TCF12: variants seen among roughly 807,000 people sequenced by gnomAD.
TCF12 encodes the protein transcription factor 12.
TCF12 carries 45 observed loss-of-function variants against 86.0 expected under a neutral mutation model. The observed-to-expected ratio is 0.52, with a 90% confidence interval of 0.41 to 0.67. The LOEUF is 0.67. Ranked by LOEUF, TCF12 falls within the 30% of genes least tolerant of loss-of-function variation. The probability of loss-of-function intolerance (pLI) is 0.00; values close to 1 mark genes in which losing one functional copy is unlikely to be tolerated. For synonymous variants in TCF12, 330 were observed against 299.6 expected, an observed-to-expected ratio of 1.10 and a Z score of -1.05; for missense variants, 881 against 859.9, an observed-to-expected ratio of 1.02 and a Z score of -0.31.
intron 4 of TCF12, among the ~76,000 whole-genome samples, chr15:57,079,480 G>A (rs1224150908): frequency 6.6e-6 from 1 of 152,152 alleles, no homozygotes; most frequent in Non-Finnish European, 1.5e-5. Context: ...GAGTAGGGAT[G>A]GAGTGGAACA....
At position 56,951,005 on chromosome 15, in the gene TCF12, C is replaced by G. The variant is rs142021698; in HGVS notation, c.148+29907C>G. On this transcript the variant is annotated intron_variant, in intron 3 of 20. Transcript: ENST00000333725. Reference sequence around the variant, plus strand: ...TCCCGACCTTAGGTGATCCGCCCACCTTGGCCTCCCAAAGTGCTGGGATTA... The same window carrying G: ...TCCCGACCTTAGGTGATCCGCCCACGTTGGCCTCCCAAAGTGCTGGGATTA... Among the ~76,000 whole-genome samples, 39 of 152,054 alleles carry G rather than the reference C, an allele frequency of 2.6e-4. 1 individual carries two copies. In the East Asian group the frequency reaches 7.2e-3, roughly 28 times the overall value.
At chr15:56,921,208 A>G (rs1325830551) in intron 3 of TCF12, 110 bp downstream of exon 3, 1 of 665,984 alleles carries the variant, frequency 1.5e-6, no homozygotes, top group Non-Finnish European at 2.2e-6. Flanking sequence ...TATATAAAAG[A>G]TGGAATTGAG....
intron 12 of TCF12, among the ~76,000 whole-genome samples, chr15:57,238,478 T>G (rs180696231): frequency 6.6e-6 from 1 of 152,252 alleles, no homozygotes; most frequent in African/African-American, 2.4e-5. Flanking sequence ...CAACACTAAT[T>G]CCCAGAAATA....
chr15:57,084,267 A>G (rs2048488006), intron 4 of TCF12, among the ~76,000 whole-genome samples: 1 of 152,200 alleles, frequency 6.6e-6, no homozygotes. Context: ...GGAGGGGGAC[A>G]GTAACATTTT....
chr15:57,274,158 T>A (rs2061272597), intron 19 of TCF12, among the ~76,000 whole-genome samples: 3 of 152,278 alleles, frequency 2.0e-5, no homozygotes. Flanking sequence ...TCTTTCGATT[T>A]TGTGTGAAGA....
At chr15:57,025,474 C>T (rs2065772073) in intron 3 of TCF12, among the ~76,000 whole-genome samples, 2 of 152,046 alleles carry the variant, frequency 1.3e-5, no homozygotes, top group Admixed American at 1.3e-4. Flanking sequence ...TGAATTTTCC[C>T]TTTGGAATTT....
intron 3 of TCF12, among the ~76,000 whole-genome samples, chr15:56,924,528 G>C (rs2059922478): frequency 6.6e-6 from 1 of 152,162 alleles, no homozygotes; most frequent in African/African-American, 2.4e-5. Context: ...GAGGAAACCA[G>C]GTTTGACCTT....
intron 4 of TCF12, among the ~76,000 whole-genome samples, chr15:57,067,001 G>A (rs150721609): frequency 2.6e-5 from 4 of 152,292 alleles, no homozygotes; most frequent in African/African-American, 9.6e-5. Flanking sequence ...CTCCACCTGA[G>A]TTATGTATTA....
intron 8 of TCF12, among the ~76,000 whole-genome samples, chr15:57,213,711 A>C (rs1327901884): frequency 2.6e-5 from 4 of 152,198 alleles, no homozygotes; most frequent in African/African-American, 9.7e-5. Context: ...AAGAAGAAAC[A>C]AAAAAACGGG....
intron 3 of TCF12, among the ~76,000 whole-genome samples, chr15:56,952,153 AGTTTATT>A (rs1212883438): frequency 6.7e-6 from 1 of 150,348 alleles, no homozygotes; most frequent in Non-Finnish European, 1.5e-5. Flanking sequence ...GAACAAAAAT[AGTTTATT>A]GTTTATAAAA....
At chr15:57,069,749 C>T (rs1490761486) in intron 4 of TCF12, among the ~76,000 whole-genome samples, 1 of 152,116 alleles carries the variant, frequency 6.6e-6, no homozygotes, top group Non-Finnish European at 1.5e-5. Context: ...TACTTCCCAA[C>T]TCAAAGAACT....
At chr15:57,280,301 T>C (rs555659835) in intron 19 of TCF12, among the ~76,000 whole-genome samples, 5 of 152,314 alleles carry the variant, frequency 3.3e-5, no homozygotes, top group African/African-American at 9.6e-5. Context: ...ATGATGAACA[T>C]ACTATTTTTT....
At chr15:57,154,085 T>C (rs1171817525) in intron 5 of TCF12, among the ~76,000 whole-genome samples, 1 of 151,302 alleles carries the variant, frequency 6.6e-6, no homozygotes, top group Non-Finnish European at 1.5e-5. Context: ...TGTAAGAAAA[T>C]GGCAGACTTA....
chr15:57,073,787 C>T (rs768506125), intron 4 of TCF12, among the ~76,000 whole-genome samples: 11 of 152,102 alleles, frequency 7.2e-5, no homozygotes, highest in African/African-American at 2.2e-4. Flanking sequence ...CTCGCTGTGT[C>T]GCCCAGGCTG....
At chr15:57,154,570 C>G (rs1250221042) in intron 5 of TCF12, among the ~76,000 whole-genome samples, 1 of 152,190 alleles carries the variant, frequency 6.6e-6, no homozygotes, top group Non-Finnish European at 1.5e-5. Flanking sequence ...TTCGACTTCT[C>G]AGCTCTCTCT....
intron 3 of TCF12, among the ~76,000 whole-genome samples, chr15:56,950,337 T>C (rs1243049095): frequency 6.6e-6 from 1 of 152,212 alleles, no homozygotes; most frequent in Non-Finnish European, 1.5e-5. Context: ...GCGATTATCC[T>C]GCCTTAGCCT....
intron 4 of TCF12, among the ~76,000 whole-genome samples, chr15:57,090,982 CT>C (rs2048957946): frequency 6.6e-6 from 1 of 152,206 alleles, no homozygotes; most frequent in Non-Finnish European, 1.5e-5. Context: ...TAAACTTTAT[CT>C]TTTTTCCCCT....
intron 3 of TCF12, among the ~76,000 whole-genome samples, chr15:57,047,799 G>C (rs1433892602): frequency 6.6e-6 from 1 of 152,138 alleles, no homozygotes; most frequent in Non-Finnish European, 1.5e-5. Context: ...GAAATGCCTT[G>C]TTAGGCGATT....
chr15:57,228,680 G>A (rs1235404767), intron 8 of TCF12, among the ~76,000 whole-genome samples: 2 of 151,914 alleles, frequency 1.3e-5, no homozygotes, highest in East Asian at 3.9e-4. Flanking sequence ...GCAGCGATTT[G>A]TAAATCAGGA....
Sources: allele counts gnomAD v4.1 joint callset (sites outside exome capture counted in the v4.1 genomes callset), GRCh38; gene constraint gnomAD v4.1.1; transcripts MANE v1.5; gene names NCBI Gene and HGNC (gene_info 2026-07-23, HGNC 2026-07-21).